The following UBL3 variants were observed in gnomAD, a reference collection of about 807,000 sequenced individuals.
The protein encoded by UBL3 is ubiquitin like 3.
Under a neutral mutation model 18.4 loss-of-function variants are expected in UBL3, and 6 were observed. The observed-to-expected ratio is 0.33, with a 90% CI of 0.18 to 0.64. UBL3 has a LOEUF of 0.64. Ranked by LOEUF, UBL3 falls within the 30% of genes least tolerant of loss-of-function variation. The pLI is 0.76. For missense variants in UBL3, 109 were observed against 142.9 expected (o/e 0.76, Z 1.21); for synonymous variants, 49 against 46.6 (o/e 1.05, Z -0.21).
chr13:29,833,180 T>A (rs552697359), intron 1 of UBL3, among the ~76,000 whole-genome samples: 1 of 152,282 alleles, frequency 6.6e-6, no homozygotes, highest in East Asian at 1.9e-4. Flanking sequence ...TAGTAGGTAG[T>A]ACAGTCAGAC....
chr13:29,830,812 A>AAT (rs1157192040), intron 1 of UBL3, among the ~76,000 whole-genome samples: 1 of 152,244 alleles, frequency 6.6e-6, no homozygotes, highest in Non-Finnish European at 1.5e-5. Flanking sequence ...GCACATACTG[A>AAT]ATCCTTCTAT....
At chr13:29,810,400 AAAAGC>A (rs1878028861) in intron 1 of UBL3, among the ~76,000 whole-genome samples, 1 of 152,066 alleles carries the variant, frequency 6.6e-6, no homozygotes, top group Admixed American at 6.6e-5. Flanking sequence ...CTAATATTTA[AAAAGC>A]AAATAAAGAG....
At chr13:29,808,429 CT>C (rs1418381091) in intron 1 of UBL3, among the ~76,000 whole-genome samples, 1 of 152,030 alleles carries the variant, frequency 6.6e-6, no homozygotes, top group East Asian at 1.9e-4. Context: ...ACCACTCAAC[CT>C]TTTGATTTTT....
chr13:29,777,093 G>T, intron 2 of UBL3, 62 bp downstream of exon 2: 1 of 1,210,560 alleles, frequency 8.3e-7, no homozygotes. Context: ...CAAAATGTTT[G>T]TGAGACAAGG....
intron 1 of UBL3, among the ~76,000 whole-genome samples, chr13:29,831,416 C>G (rs1015966768): frequency 1.3e-5 from 2 of 151,878 alleles, no homozygotes; most frequent in Non-Finnish European, 2.9e-5. Flanking sequence ...ATGGAGAAAA[C>G]CCGTCTCTAC....
chr13:29,811,186 T>C (rs751432911), intron 1 of UBL3, among the ~76,000 whole-genome samples: 3 of 152,112 alleles, frequency 2.0e-5, no homozygotes, highest in Non-Finnish European at 4.4e-5. Flanking sequence ...AGGAGGATAC[T>C]GGTCCCTCGA....
chr13:29,775,855 G>C (rs956022654), intron 2 of UBL3, among the ~76,000 whole-genome samples: 1 of 152,028 alleles, frequency 6.6e-6, no homozygotes, highest in African/African-American at 2.4e-5. Flanking sequence ...GACCTCAAGT[G>C]ATCTGCCTGT....
Position 29,845,183 on chromosome 13 carries a change from A to C in UBL3, c.27+4329T>G, listed in dbSNP as rs1214748288. ...TTAGACACAAGCTGGGGTAGGATTC[A>C]GAGCTAGAAAGAAGGAATTCAAAGC... On this transcript the variant is annotated intron_variant, in intron 1 of 4. Coordinates refer to ENST00000380680, the MANE Select transcript of UBL3 (RefSeq NM_007106.4). Among the ~76,000 whole-genome samples, 3 of 152,278 alleles carry C rather than the reference A, an allele frequency of 2.0e-5. No homozygotes were observed. In the East Asian group the frequency reaches 5.8e-4, roughly 29 times the overall value.
intron 1 of UBL3, among the ~76,000 whole-genome samples, chr13:29,812,010 A>G (rs543934503): frequency 6.6e-6 from 1 of 152,084 alleles, no homozygotes; most frequent in South Asian, 2.1e-4. Flanking sequence ...TCTCCAATAT[A>G]GGTTGAACTC....
At chr13:29,825,522 A>G (rs1286639759) in intron 1 of UBL3, among the ~76,000 whole-genome samples, 1 of 152,184 alleles carries the variant, frequency 6.6e-6, no homozygotes, top group Non-Finnish European at 1.5e-5. Context: ...TTGGTGTATA[A>G]GAATGCTTGT....
rs1464828203 is a variant in UBL3, at chr13:29,767,306, A to G, written c.303T>C (p.Gly101=). 1 of 1,613,172 alleles carries G rather than the reference A, an allele frequency of 6.2e-7. No homozygotes were observed. The highest frequency in any genetic ancestry group is 8.5e-7 in the Non-Finnish European group (1 of 1,179,358). The part of the protein sequence containing the change: ...RETLPEPNSQ[G]QRNREKTGES... ...CTCCAGTCTTCTCACGATTCCTCTGACCTAGGGAAAACGAAGAAGAGCCTC... is the reference window on the plus strand; with the variant it reads ...CTCCAGTCTTCTCACGATTCCTCTGGCCTAGGGAAAACGAAGAAGAGCCTC... The change falls in exon 5 of 5, where the codon GGT becomes GGC. Residue 101 remains glycine, a splice_region_variant and synonymous_variant. Transcript: ENST00000380680.
rs553350385 is a variant in UBL3 at position 29,834,374 on chromosome 13, T to C, written c.27+15138A>G. 2.0e-5 allele frequency among the ~76,000 whole-genome samples: 3 copies of C among 152,006 alleles called. No individual in the cohort carries two copies. In the East Asian group the frequency reaches 5.8e-4, roughly 29 times the overall value. On this transcript the variant is annotated intron_variant, in intron 1 of 4. Coordinates refer to ENST00000380680, the MANE Select transcript of UBL3 (RefSeq NM_007106.4). ...TGTTTTCTTCATATATGACATAATATATTCAAATATATATAATTATAATAC... is the reference window on the plus strand; with the variant it reads ...TGTTTTCTTCATATATGACATAATACATTCAAATATATATAATTATAATAC...
intron 1 of UBL3, among the ~76,000 whole-genome samples, chr13:29,780,002 T>C (rs1287975755): frequency 1.3e-5 from 2 of 152,068 alleles, no homozygotes; most frequent in Non-Finnish European, 2.9e-5. Context: ...AAGAAGGCAA[T>C]GGTATTTTGC....
chr13:29,775,041 A>C (rs183795477), intron 2 of UBL3, among the ~76,000 whole-genome samples: 85 of 152,334 alleles, frequency 5.6e-4, no homozygotes. Flanking sequence ...ATACTGTATA[A>C]ATAAAGGTTT....
chr13:29,777,917 C>T (rs1044283655), intron 1 of UBL3, among the ~76,000 whole-genome samples: 2 of 152,076 alleles, frequency 1.3e-5, no homozygotes, highest in Non-Finnish European at 2.9e-5. Context: ...CAGGTGCTCA[C>T]CACCACGCCC....
chr13:29,796,442 T>C (rs1305903842), intron 1 of UBL3, among the ~76,000 whole-genome samples: 2 of 152,202 alleles, frequency 1.3e-5, no homozygotes, highest in African/African-American at 4.8e-5. Context: ...ATATTTCCAC[T>C]AACTGCTGGT....
chr13:29,795,498 T>C (rs1219249856), intron 1 of UBL3, among the ~76,000 whole-genome samples: 2 of 151,996 alleles, frequency 1.3e-5, no homozygotes, highest in Non-Finnish European at 2.9e-5. Context: ...CATTAGTGAC[T>C]AACATTAGTT....
intron 1 of UBL3, among the ~76,000 whole-genome samples, chr13:29,796,754 T>C: frequency 6.6e-6 from 1 of 152,210 alleles, no homozygotes; most frequent in East Asian, 1.9e-4. Flanking sequence ...GACAATCTTT[T>C]AGGTGATAAA....
At chr13:29,847,519 CCT>C (rs1368661015) in intron 1 of UBL3, among the ~76,000 whole-genome samples, 1 of 152,174 alleles carries the variant, frequency 6.6e-6, no homozygotes, top group Non-Finnish European at 1.5e-5. Flanking sequence ...GCCTCCAAAC[CCT>C]CTCTCTGACT....
Sources: allele counts gnomAD v4.1 joint callset (sites outside exome capture counted in the v4.1 genomes callset), GRCh38; gene constraint gnomAD v4.1.1; transcripts MANE v1.5; gene names NCBI Gene and HGNC (gene_info 2026-07-23, HGNC 2026-07-21).